The following LRP1B variants were observed in gnomAD, a reference collection of about 807,000 sequenced individuals.
LRP1B encodes LDL receptor related protein 1B.
In LRP1B, 217 loss-of-function variants were observed where a neutral mutation model predicts 556.6. The observed-to-expected ratio is 0.39, with a 90% CI of 0.35 to 0.44. The LOEUF is 0.44. Ranked by LOEUF, LRP1B falls within the 20% of genes least tolerant of loss-of-function variation. The pLI is 1.00. For missense variants in LRP1B, 5,053 were observed against 5,620.8 expected (o/e 0.90, Z 3.23); for synonymous variants, 2,047 against 1,865.8 (o/e 1.10, Z -2.50).
At chr2:141,745,363 TAC>T (rs1185397741) in intron 2 of LRP1B, among the ~76,000 whole-genome samples, 1 of 152,190 alleles carries the variant, frequency 6.6e-6, no homozygotes, top group African/African-American at 2.4e-5. Flanking sequence ...TGCTCTATTT[TAC>T]TGCATCTGAG....
intron 7 of LRP1B, among the ~76,000 whole-genome samples, chr2:141,141,012 A>G (rs1442226528): frequency 2.0e-5 from 3 of 152,182 alleles, no homozygotes; most frequent in Non-Finnish European, 2.9e-5. Context: ...CTCTCACAGT[A>G]ACTTCCAATT....
At chr2:141,504,136 G>A (rs193253768) in intron 2 of LRP1B, among the ~76,000 whole-genome samples, 9 of 152,154 alleles carry the variant, frequency 5.9e-5, no homozygotes, top group Admixed American at 2.6e-4. Context: ...TGACACACTC[G>A]TATTTTTTGT....
chr2:140,302,465 CTGTT>C (rs1217614386), intron 83 of LRP1B, among the ~76,000 whole-genome samples: 12 of 152,256 alleles, frequency 7.9e-5, no homozygotes, highest in South Asian at 4.1e-4. Context: ...AAGTTGCACT[CTGTT>C]AGTTAGCAAA....
At chr2:142,017,612 C>T (rs186995127) in intron 1 of LRP1B, among the ~76,000 whole-genome samples, 64 of 152,234 alleles carry the variant, frequency 4.2e-4, no homozygotes, top group African/African-American at 1.3e-3. Context: ...GAGATTCACA[C>T]TGGTAATCCC....
At chr2:140,642,776 G>A (rs899267820) in intron 41 of LRP1B, among the ~76,000 whole-genome samples, 3 of 152,090 alleles carry the variant, frequency 2.0e-5, no homozygotes, top group Middle Eastern at 3.2e-3. Context: ...CCCGGGAGGC[G>A]GAGCTTGCAT....
At chr2:140,853,407 G>A (rs369106334) in intron 27 of LRP1B, among the ~76,000 whole-genome samples, 202 of 152,062 alleles carry the variant, frequency 1.3e-3, no homozygotes, top group African/African-American at 4.7e-3. Context: ...TATAATACTT[G>A]TATTAAGTTT....
At chr2:140,322,753 T>C (rs960693571) in intron 81 of LRP1B, among the ~76,000 whole-genome samples, 1 of 151,992 alleles carries the variant, frequency 6.6e-6, no homozygotes, top group African/African-American at 2.4e-5. Context: ...TCCTAGAGAT[T>C]ATTTCATCAG....
intron 1 of LRP1B, among the ~76,000 whole-genome samples, chr2:141,923,478 GTGTGTGTGT>G (rs1456036255): frequency 7.2e-5 from 9 of 125,732 alleles, no homozygotes; most frequent in Non-Finnish European, 1.4e-4. Flanking sequence ...GTGTGTGTGT[GTGTGTGTGT>G]AGAGAGAGGG....
At chr2:141,405,674 G>A (rs566840294) in intron 3 of LRP1B, among the ~76,000 whole-genome samples, 33 of 152,068 alleles carry the variant, frequency 2.2e-4, no homozygotes, top group African/African-American at 7.2e-4. Flanking sequence ...TTATTTTGCT[G>A]GTACAATACT....
At chr2:140,837,628 T>C (rs1040781347) in intron 31 of LRP1B, among the ~76,000 whole-genome samples, 1 of 152,110 alleles carries the variant, frequency 6.6e-6, no homozygotes, top group African/African-American at 2.4e-5. Context: ...GGTGAGTTCA[T>C]GACCTTTGTA....
At position 140,372,992 on chromosome 2, in the gene LRP1B, A is replaced by G. The variant is rs764241268; in HGVS notation, c.10768+16T>C. 11 of 1,611,816 alleles carry G rather than the reference A, an allele frequency of 6.8e-6. No individual in the cohort carries two copies. The Middle Eastern group carries it at 6.6e-4, about 97-fold the overall frequency. On this transcript the variant is annotated intron_variant, in intron 69 of 90. Transcript: ENST00000389484. ...TAAAATGTTAACTAAATGATATATT[A>G]CTTCAATCCTTTTACCTGGCTCACA...
chr2:141,618,402 A>AT (rs1688386614), intron 2 of LRP1B, among the ~76,000 whole-genome samples: 1 of 152,196 alleles, frequency 6.6e-6, no homozygotes, highest in Admixed American at 6.5e-5. Context: ...AAGGTCAATC[A>AT]TTTTTTATTA....
At position 141,463,552 on chromosome 2, in the gene LRP1B, TA is replaced by T. The variant is rs1682004018; in HGVS notation, c.343+16843del. On this transcript the variant is annotated intron_variant, in intron 3 of 90. Coordinates refer to ENST00000389484, the MANE Select transcript of LRP1B (RefSeq NM_018557.3). The stretch of plus-strand genomic sequence containing the variant: ...TAAAATTATATATTATATATAATTA[TA>T]TATAATATATATTATATATTATATA... Among the ~76,000 whole-genome samples, 5 of 20,078 alleles carry T rather than the reference TA, an allele frequency of 2.5e-4. No homozygotes were observed. In the South Asian group the frequency reaches 3.4e-3, roughly 14 times the overall value. The allele number at this position is 20,078 out of a possible 152,430, so 13.2% of individuals were successfully genotyped here.
In LRP1B at chr2:141,229,246, G is replaced by T. The variant is rs2105293531; in HGVS notation, c.787C>A (p.Gln263Lys). ...RESSNQLKCIQITKAGGLTDE... is the reference protein window; with the variant it reads ...RESSNQLKCIKITKAGGLTDE... The stretch of plus-strand genomic sequence containing the variant: ...GTTAATCCTCCTGCTTTTGTTATCT[G>T]GATACATTTGAGTTGATTTGAAGAT... Residue 263 changes from glutamine to lysine, a missense_variant, in exon 6 of 91, where the codon CAG (glutamine) becomes AAG (lysine). Gln to Lys is a moderately conservative substitution (Grantham distance 53, BLOSUM62 1). Around this residue, in one of 5 missense-constraint regions of LRP1B, gnomAD observed 3,619 missense variants for 3,931.9 expected, o/e 0.92. Transcript: ENST00000389484. The T allele has an allele frequency of 6.2e-7, 1 of 1,611,576 alleles. No homozygotes were observed.
At chr2:141,995,126 A>G (rs1702452386) in intron 1 of LRP1B, among the ~76,000 whole-genome samples, 1 of 152,130 alleles carries the variant, frequency 6.6e-6, no homozygotes. Flanking sequence ...TATTGCTGCT[A>G]TTTAAAAATT....
At chr2:141,396,737 C>T (rs549748928) in intron 3 of LRP1B, among the ~76,000 whole-genome samples, 35 of 152,076 alleles carry the variant, frequency 2.3e-4, no homozygotes, top group Admixed American at 9.2e-4. Flanking sequence ...AAAATTAATA[C>T]ACATAAACAT....
At chr2:140,922,296 A>ACGCACACACG (rs1428886267) in intron 21 of LRP1B, among the ~76,000 whole-genome samples, 2 of 129,114 alleles carry the variant, frequency 1.5e-5, no homozygotes, top group African/African-American at 5.7e-5. Flanking sequence ...ACACACACAC[A>ACGCACACACG]CGCACACACG....
intron 3 of LRP1B, among the ~76,000 whole-genome samples, chr2:141,303,723 A>G (rs1394868490): frequency 5.9e-5 from 9 of 152,196 alleles, no homozygotes; most frequent in Non-Finnish European, 1.2e-4. Flanking sequence ...GTACTGCAGT[A>G]AATACAGAGA....
At chr2:141,759,848 A>C (rs1694466816) in intron 2 of LRP1B, among the ~76,000 whole-genome samples, 1 of 152,182 alleles carries the variant, frequency 6.6e-6, no homozygotes, top group Admixed American at 6.5e-5. Context: ...ATGGAAAAAT[A>C]TACTTGAATA....
Sources: allele counts gnomAD v4.1 joint callset (sites outside exome capture counted in the v4.1 genomes callset), GRCh38; gene constraint gnomAD v4.1.1; regional missense constraint gnomAD v4.1.1; transcripts MANE v1.5; gene names NCBI Gene and HGNC (gene_info 2026-07-23, HGNC 2026-07-21).